SIDT1: variants seen among roughly 807,000 people sequenced by gnomAD.
The protein encoded by SIDT1 is SID1 transmembrane family member 1.
In SIDT1, 101 loss-of-function variants were observed where a neutral mutation model predicts 107.5. The ratio of observed to expected loss-of-function variants is 0.94; its 90% CI spans 0.80 to 1.11. The LOEUF (loss-of-function observed/expected upper bound fraction) is 1.11, where lower values mean the gene tolerates loss of function less well. SIDT1 is among the 50% of genes least tolerant of loss of function. The pLI is 0.00. For synonymous variants in SIDT1, 395 were observed against 398.2 expected, an observed-to-expected ratio of 0.99 and a Z score of 0.10; for missense variants, 1,076 against 1,058.2, an observed-to-expected ratio of 1.02 and a Z score of -0.23.
chr3:113,574,284 C>A (rs553991735), intron 3 of SIDT1, among the ~76,000 whole-genome samples: 57 of 152,196 alleles, frequency 3.7e-4, no homozygotes, highest in Non-Finnish European at 6.0e-4. Flanking sequence ...CAGACAGTTC[C>A]CAATGACAAG....
intron 24 of SIDT1, 77 bp downstream of exon 24, chr3:113,626,292 A>T: frequency 9.6e-6 from 9 of 935,032 alleles, no homozygotes; most frequent in South Asian, 1.5e-5. Context: ...GCTCTTCCTT[A>T]CTTTTTTTTA....
chr3:113,581,333 T>A, intron 5 of SIDT1, 28 bp from the exon 6 acceptor site: 1 of 1,574,166 alleles, frequency 6.4e-7, no homozygotes, highest in Non-Finnish European at 8.7e-7. Context: ...ATGGATGCTT[T>A]CCATTTTATT....
At chr3:113,622,979 T>C (rs11718061) in intron 21 of SIDT1, among the ~76,000 whole-genome samples, 46,232 of 151,684 alleles carry the variant, frequency 0.3, 7,381 homozygotes, top group Non-Finnish European at 0.35. Context: ...CTTGAGGCCA[T>C]GAATCCAACA....
chr3:113,608,486 T>C lies in SIDT1; in HGVS notation c.1670T>C (p.Val557Ala). The change falls in exon 17 of 25, where the codon GTG becomes GCG. Residue 557 changes from valine (V) to alanine (A), a missense_variant. Val to Ala is a moderately conservative substitution (Grantham distance 64). Transcript: ENST00000264852. Reference sequence around the variant, plus strand: ...GGCATTGCATTGATGATGGAAGGGGTGCTCAGTGCTTGCTACCATGTCTGC... The same window carrying C: ...GGCATTGCATTGATGATGGAAGGGGCGCTCAGTGCTTGCTACCATGTCTGC... Reference protein sequence around the residue: ...AMGIALMMEGVLSACYHVCPN... With the variant: ...AMGIALMMEGALSACYHVCPN... 5 of 1,614,070 alleles carry C rather than the reference T, an allele frequency of 3.1e-6. No individual in the cohort carries two copies. The highest frequency in any genetic ancestry group is 4.2e-6 in the Non-Finnish European group (5 of 1,179,948).
intron 13 of SIDT1, 126 bp downstream of exon 13, chr3:113,604,159 C>T: frequency 1.6e-6 from 1 of 618,422 alleles, no homozygotes; most frequent in Non-Finnish European, 2.7e-6. Flanking sequence ...ATGATGTTAC[C>T]AGCCAACTAT....
At chr3:113,606,028 GA>G (rs35259067) in intron 14 of SIDT1, among the ~76,000 whole-genome samples, 1,961 of 140,470 alleles carry the variant, frequency 0.014, 41 homozygotes, top group African/African-American at 0.046. Context: ...GGAAAAAAAA[GA>G]AAAAAAAAAA....
intron 1 of SIDT1, among the ~76,000 whole-genome samples, chr3:113,554,563 C>T (rs1364023853): frequency 2.0e-5 from 3 of 152,210 alleles, no homozygotes; most frequent in Non-Finnish European, 4.4e-5. Flanking sequence ...CGTGCCTTTG[C>T]TCCTCCTTTG....
intron 1 of SIDT1, among the ~76,000 whole-genome samples, chr3:113,533,453 G>T (rs990314548): frequency 5.3e-5 from 8 of 152,168 alleles, no homozygotes; most frequent in Non-Finnish European, 1.0e-4. Flanking sequence ...GCCTCTCCTG[G>T]CCTGGTCAAG....
intron 1 of SIDT1, among the ~76,000 whole-genome samples, chr3:113,562,984 C>T (rs9874993): frequency 0.26 from 39,603 of 151,996 alleles, 5,650 homozygotes; most frequent in East Asian, 0.58. Flanking sequence ...ACAGCACACC[C>T]GCAAAAGGGA....
At chr3:113,556,239 C>T (rs1416765799) in intron 1 of SIDT1, among the ~76,000 whole-genome samples, 1 of 152,166 alleles carries the variant, frequency 6.6e-6, no homozygotes, top group Non-Finnish European at 1.5e-5. Flanking sequence ...AATCAGACCA[C>T]AGGAATTTTT....
chr3:113,632,599 T>C (rs754185951), downstream of SIDT1: 6 of 152,190 alleles, frequency 3.9e-5, no homozygotes, highest in Non-Finnish European at 7.3e-5. Context: ...TTCACTTACA[T>C]AGAATCAGAA....
At chr3:113,595,145 A>G (rs1944447801) in intron 10 of SIDT1, among the ~76,000 whole-genome samples, 1 of 152,172 alleles carries the variant, frequency 6.6e-6, no homozygotes, top group Non-Finnish European at 1.5e-5. Context: ...AGTTTCTCAA[A>G]CTCAATATTA....
At chr3:113,571,398 C>T (rs560235729) in intron 3 of SIDT1, among the ~76,000 whole-genome samples, 5 of 151,508 alleles carry the variant, frequency 3.3e-5, no homozygotes, top group African/African-American at 7.3e-5. Context: ...GGCTGAGCAA[C>T]AAAATGAGAC....
In SIDT1 at chr3:113,566,446, C is replaced by G. The variant is rs1270080240; in HGVS notation, c.249C>G (p.Asn83Lys). 4 of 1,614,068 alleles carry G rather than the reference C, an allele frequency of 2.5e-6. No individual in the cohort carries two copies. The highest frequency in any genetic ancestry group is 3.4e-6 in the Non-Finnish European group (4 of 1,179,990). ...DQVTAVRVYV[N>K]SSSENLNYPV... Reference sequence around the variant, plus strand: ...TGACAGCCGTGAGGGTGTATGTGAACAGTTCCTCTGAGAATCTCAACTACC... The same window carrying G: ...TGACAGCCGTGAGGGTGTATGTGAAGAGTTCCTCTGAGAATCTCAACTACC... The change falls in exon 2 of 25, where the codon AAC becomes AAG. Residue 83 changes from asparagine to lysine, a missense_variant. Physicochemically the swap from Asn to Lys is moderately conservative, Grantham distance 94. Transcript: ENST00000264852.
At chr3:113,546,737 C>T (rs1939637390) in intron 1 of SIDT1, among the ~76,000 whole-genome samples, 1 of 152,182 alleles carries the variant, frequency 6.6e-6, no homozygotes, top group Non-Finnish European at 1.5e-5. Flanking sequence ...CTTGAAGATA[C>T]TTGTGTTACC....
At chr3:113,579,809 A>G (rs1200092869) in intron 4 of SIDT1, among the ~76,000 whole-genome samples, 1 of 152,126 alleles carries the variant, frequency 6.6e-6, no homozygotes, top group African/African-American at 2.4e-5. Flanking sequence ...TAACTTCTCA[A>G]TCAGTTATCG....
At chr3:113,606,013 A>C (rs886990544) in intron 14 of SIDT1, among the ~76,000 whole-genome samples, 1 of 111,962 alleles carries the variant, frequency 8.9e-6, no homozygotes, top group Non-Finnish European at 2.0e-5. Flanking sequence ...TCAAGAACAA[A>C]AAAAGGAAAA....
intron 18 of SIDT1, 145 bp downstream of exon 18, chr3:113,611,289 A>C: frequency 1.0e-6 from 1 of 973,432 alleles, no homozygotes; most frequent in Non-Finnish European, 1.5e-6. Flanking sequence ...ATTTCATCTC[A>C]TGACACACTT....
At position 113,623,528 on chromosome 3, in the gene SIDT1, T is replaced by G; in HGVS notation, c.2192T>G (p.Met731Arg). 2 of 1,612,998 alleles carry G rather than the reference T, an allele frequency of 1.2e-6. No individual in the cohort carries two copies. The highest frequency in any genetic ancestry group is 1.7e-6 in the Non-Finnish European group (2 of 1,178,950). ...LLLYLAFYII[M>R]KLRSSEKVLP... ...CTGTACCTGGCCTTTTACATCATCATGAAGGTAAGAGCGGGTGCCGGGAGC... is the reference window on the plus strand; with the variant it reads ...CTGTACCTGGCCTTTTACATCATCAGGAAGGTAAGAGCGGGTGCCGGGAGC... The change falls in exon 22 of 25, where the codon ATG (methionine) becomes AGG (arginine). Residue 731 changes from methionine (M) to arginine (R), a missense_variant. By Grantham distance (91) the Met-to-Arg change is moderately conservative. Transcript: ENST00000264852.
Sources: allele counts gnomAD v4.1 joint callset (sites outside exome capture counted in the v4.1 genomes callset), GRCh38; gene constraint gnomAD v4.1.1; transcripts MANE v1.5; gene names NCBI Gene and HGNC (gene_info 2026-07-23, HGNC 2026-07-21).